TBPL2: variants seen among roughly 807,000 people sequenced by gnomAD.
The protein encoded by TBPL2 is TATA box-binding protein-like 2.
In TBPL2, 40 loss-of-function variants were observed where a neutral mutation model predicts 38.2. The observed-to-expected ratio is 1.05, with a 90% CI of 0.81 to 1.36. The LOEUF (loss-of-function observed/expected upper bound fraction) is 1.36. Among genes scored for constraint, TBPL2 ranks in the 40% most tolerant of loss-of-function variants. TBPL2 has a pLI of 0.00. For synonymous variants in TBPL2, 169 were observed against 171.7 expected, an observed-to-expected ratio of 0.98 and a Z score of 0.12; for missense variants, 461 against 456.7, an observed-to-expected ratio of 1.01 and a Z score of -0.09.
rs778303413 is a variant in TBPL2 at position 55,437,024 on chromosome 14, C to T, written c.151-6G>A. The T allele has an allele frequency of 5.0e-6, 8 of 1,612,306 alleles. No homozygotes were observed. In the Admixed American group the frequency reaches 8.3e-5, roughly 17 times the overall value. On this transcript the variant is annotated splice_polypyrimidine_tract_variant and splice_region_variant and intron_variant, in intron 1 of 6. Transcript: ENST00000247219. ...CTGGGTGGGGCAAGGCCATCCTAGG[C>T]AGTTCCCAAAACAGACAGACAAAAA... is the stretch of plus-strand genomic sequence containing the variant.
rs773706761 is a variant in TBPL2, at chr14:55,428,990, T to C, written c.789-16A>G. 1.9e-6 allele frequency: 3 copies of C among 1,613,638 alleles called. No homozygotes were observed. In the East Asian group the frequency reaches 6.7e-5, roughly 36 times the overall value. Reference sequence around the variant, plus strand: ...CTGCTCTTCACTGGGGAGGGGCAAATATGTTTAAAGATGTCTTAATCGCTA... The same window carrying C: ...CTGCTCTTCACTGGGGAGGGGCAAACATGTTTAAAGATGTCTTAATCGCTA... On this transcript the variant is annotated splice_polypyrimidine_tract_variant and intron_variant, in intron 4 of 6. Coordinates refer to ENST00000247219, the Ensembl canonical transcript of TBPL2.
At chr14:55,432,112 A>G (rs1256753317) in intron 4 of TBPL2, among the ~76,000 whole-genome samples, 1 of 152,162 alleles carries the variant, frequency 6.6e-6, no homozygotes, top group Non-Finnish European at 1.5e-5. Flanking sequence ...GTGTTTTTTA[A>G]AAAACCCACC....
chr14:55,431,313 CA>C (rs1231935632), intron 4 of TBPL2, among the ~76,000 whole-genome samples: 1 of 152,174 alleles, frequency 6.6e-6, no homozygotes, highest in African/African-American at 2.4e-5. Context: ...GGAATAAATT[CA>C]GATAAGAAAA....
At chr14:55,422,988 A>G (rs1885768017) in intron 6 of TBPL2, among the ~76,000 whole-genome samples, 1 of 152,248 alleles carries the variant, frequency 6.6e-6, no homozygotes, top group African/African-American at 2.4e-5. Context: ...AAAAAAGCCA[A>G]CAGGAAAAAA....
intron 6 of TBPL2, among the ~76,000 whole-genome samples, chr14:55,421,587 C>G (rs1353915075): frequency 2.0e-5 from 3 of 152,144 alleles, no homozygotes; most frequent in Non-Finnish European, 2.9e-5. Flanking sequence ...CCTCAGCCTC[C>G]CAAGTAGCTG....
chr14:55,436,544 C>G lies in TBPL2; in HGVS notation c.608+17G>C, dbSNP rs532181069. 6.2e-7 allele frequency: 1 copy of G among 1,607,180 alleles called. No homozygotes were observed. Among genetic ancestry groups the G allele is most frequent in the Admixed American group, 1.7e-5 (1 of 59,690 alleles). ...GTGTACCCAATGTGCTCAATTAAAA[C>G]AAAAATAAAAACTTACTGTAGTTGA... On this transcript the variant is annotated intron_variant, in intron 2 of 6. Coordinates refer to ENST00000247219, the Ensembl canonical transcript of TBPL2.
At chr14:55,427,226 T>C (rs1237640482) in intron 5 of TBPL2, among the ~76,000 whole-genome samples, 1 of 150,858 alleles carries the variant, frequency 6.6e-6, no homozygotes, top group Non-Finnish European at 1.5e-5. Context: ...GGGAGGACTT[T>C]ATAGGGAGCT....
chr14:55,430,722 T>C (rs774716406), intron 4 of TBPL2, among the ~76,000 whole-genome samples: 8 of 152,212 alleles, frequency 5.3e-5, no homozygotes, highest in Non-Finnish European at 7.3e-5. Flanking sequence ...ATCTACTCAC[T>C]AGATTGACTA....
chr14:55,438,264 A>G (rs1252552340), intron 1 of TBPL2, among the ~76,000 whole-genome samples: 1 of 152,184 alleles, frequency 6.6e-6, no homozygotes, highest in African/African-American at 2.4e-5. Flanking sequence ...TTCTGTTACT[A>G]CAAGTCCAGC....
chr14:55,416,276 G>C (rs1458445145), intron 6 of TBPL2, among the ~76,000 whole-genome samples: 2 of 152,142 alleles, frequency 1.3e-5, no homozygotes, highest in African/African-American at 4.8e-5. Context: ...AATCAGGGAT[G>C]AAGTCCTTAT....
chr14:55,415,552 C>T (rs1191050601), intron 6 of TBPL2, among the ~76,000 whole-genome samples: 1 of 152,256 alleles, frequency 6.6e-6, no homozygotes, highest in African/African-American at 2.4e-5. Context: ...CTTAAATGCC[C>T]GTCAATGGAT....
intron 4 of TBPL2, among the ~76,000 whole-genome samples, chr14:55,430,333 C>T (rs1031869999): frequency 1.3e-5 from 2 of 151,592 alleles, no homozygotes; most frequent in Admixed American, 6.6e-5. Flanking sequence ...ACACTGCCCC[C>T]TCTTGGGTAT....
intron 1 of TBPL2, among the ~76,000 whole-genome samples, chr14:55,438,141 A>G (rs1029470423): frequency 2.6e-5 from 4 of 152,192 alleles, no homozygotes; most frequent in African/African-American, 7.2e-5. Flanking sequence ...AGAAACTCAA[A>G]AAGATCTTAT....
At chr14:55,429,376 C>A (rs999133029) in intron 4 of TBPL2, among the ~76,000 whole-genome samples, 1 of 152,170 alleles carries the variant, frequency 6.6e-6, no homozygotes, top group Non-Finnish European at 1.5e-5. Context: ...GGGGTGGGGC[C>A]GAGCAATCTG....
At chr14:55,433,055 A>G (rs1351373719) in intron 4 of TBPL2, among the ~76,000 whole-genome samples, 1 of 152,236 alleles carries the variant, frequency 6.6e-6, no homozygotes, top group Non-Finnish European at 1.5e-5. Flanking sequence ...TCACCTTAGA[A>G]ACAAGTTGTA....
At chr14:55,436,607 G>C in exon 2 of TBPL2, 1 of 1,614,192 alleles carries the variant, frequency 6.2e-7, no homozygotes, top group Non-Finnish European at 8.5e-7. Context: ...GGGGTCATTG[G>C]TGTCATGGGA....
At position 55,425,857 on chromosome 14, in the gene TBPL2, TGGGCAA is replaced by T. The variant is rs539652866; in HGVS notation, c.957-1610_957-1605del. Among the ~76,000 whole-genome samples the T allele has an allele frequency of 1.6e-4, 24 of 152,370 alleles. No homozygotes were observed. In the South Asian group the frequency reaches 4.8e-3, roughly 30 times the overall value. ...TTTCTTTTAGACAGTGATCTCTATG[TGGGCAA>T]GGGACTATAGCTATATTGCTTGCCA... On this transcript the variant is annotated intron_variant, in intron 5 of 6. Coordinates refer to ENST00000247219, the Ensembl canonical transcript of TBPL2.
chr14:55,414,384 C>CT lies in TBPL2; in HGVS notation c.1122dup (p.Ala375SerfsTer41), dbSNP rs748556654. 1.2e-6 allele frequency: 2 copies of CT among 1,601,538 alleles called. No individual in the cohort carries two copies. Among genetic ancestry groups the CT allele is most frequent in the Non-Finnish European group, 1.7e-6 (2 of 1,175,346 alleles). On this transcript the variant is annotated frameshift_variant, in exon 7 of 7. Coordinates refer to ENST00000247219, the Ensembl canonical transcript of TBPL2. LOFTEE classifies it high-confidence loss of function. ...TGAGATGCTGAATGATATGCTCAGG[C>CT]TTTTTTAAAACCTTTTAGAATAGGA...
At chr14:55,440,279 A>G in intron 1 of TBPL2, 117 bp downstream of exon 1, 1 of 1,326,306 alleles carries the variant, frequency 7.5e-7, no homozygotes, top group Non-Finnish European at 1.0e-6. Flanking sequence ...ATGACTTGGG[A>G]AACCAAGCCC....
Sources: gnomAD v4.1 joint callset for allele counts (sites outside exome capture counted in the v4.1 genomes callset) on GRCh38, gnomAD v4.1.1 for gene constraint, MANE v1.5 for transcripts, NCBI Gene and HGNC (gene_info 2026-07-23, HGNC 2026-07-21) for gene names.